ROS1: variants seen among roughly 807,000 people sequenced by gnomAD.
ROS1 encodes the protein ROS proto-oncogene 1, receptor tyrosine kinase.
A neutral mutation model predicts 273.5 loss-of-function variants in ROS1; 263 were observed. The ratio of observed to expected loss-of-function variants is 0.96; its 90% CI spans 0.87 to 1.06. ROS1 has a LOEUF of 1.06. Among genes scored for constraint, ROS1 ranks in the 50% least tolerant of loss-of-function variants. The pLI is 0.00. For missense variants in ROS1, 2,833 were observed against 2,751.1 expected, an observed-to-expected ratio of 1.03 and a Z score of -0.67; for synonymous variants, 1,008 against 954.1, an observed-to-expected ratio of 1.06 and a Z score of -1.04.
At chr6:117,382,057 A>G (rs1204917295) in intron 17 of ROS1, among the ~76,000 whole-genome samples, 1 of 152,186 alleles carries the variant, frequency 6.6e-6, no homozygotes. Context: ...CCTGAGGTGG[A>G]GAAGAAGTTA....
chr6:117,332,223 C>T (rs1473689183), intron 32 of ROS1, among the ~76,000 whole-genome samples: 1 of 148,898 alleles, frequency 6.7e-6, no homozygotes, highest in African/African-American at 2.5e-5. Flanking sequence ...GACTTTAAAC[C>T]AACAAAGATC....
intron 43 of ROS1, among the ~76,000 whole-genome samples, chr6:117,297,988 G>A (rs1774385102): frequency 6.6e-6 from 1 of 152,098 alleles, no homozygotes; most frequent in Non-Finnish European, 1.5e-5. Flanking sequence ...ATCTATGGAT[G>A]ACTGGATAAT....
At chr6:117,390,051 C>T (rs1562353320) in intron 12 of ROS1, among the ~76,000 whole-genome samples, 1 of 152,206 alleles carries the variant, frequency 6.6e-6, no homozygotes, top group Non-Finnish European at 1.5e-5. Context: ...TAGAAAATTT[C>T]AGCCTCACTT....
chr6:117,291,398 C>T (rs746501426), intron 43 of ROS1, among the ~76,000 whole-genome samples: 2 of 152,084 alleles, frequency 1.3e-5, no homozygotes, highest in Non-Finnish European at 2.9e-5. Context: ...TTTGGTATAA[C>T]CAGAAAAAAA....
At chr6:117,365,452 C>A in intron 20 of ROS1, 129 bp downstream of exon 20, 1 of 854,380 alleles carries the variant, frequency 1.2e-6, no homozygotes, top group Non-Finnish European at 1.9e-6. Context: ...TCTTAATGAC[C>A]AAATGCTATG....
At chr6:117,324,467 G>A in intron 34 of ROS1, 52 bp from the exon 35 acceptor site, 1 of 862,926 alleles carries the variant, frequency 1.2e-6, no homozygotes, top group South Asian at 1.5e-5. Flanking sequence ...AAGCTAAGTT[G>A]CCCCAGCTCT....
intron 33 of ROS1, among the ~76,000 whole-genome samples, chr6:117,329,071 C>A (rs1289955491): frequency 1.3e-5 from 2 of 152,160 alleles, no homozygotes; most frequent in African/African-American, 4.8e-5. Flanking sequence ...GTTGCATGAG[C>A]CTATGATCAA....
At chr6:117,390,176 G>A (rs922263273) in intron 12 of ROS1, among the ~76,000 whole-genome samples, 2 of 152,094 alleles carry the variant, frequency 1.3e-5, no homozygotes, top group Non-Finnish European at 2.9e-5. Flanking sequence ...ACCCAGGCTG[G>A]AGTTCAGTGA....
intron 2 of ROS1, 126 bp downstream of exon 2, chr6:117,418,336 G>A: frequency 1.5e-6 from 1 of 689,448 alleles, no homozygotes; most frequent in Non-Finnish European, 2.4e-6. Context: ...TTTTCAATTT[G>A]TCTTCTTCCA....
chr6:117,394,792 CAG>C, intron 9 of ROS1, 54 bp from the exon 10 acceptor site: 9 of 1,501,338 alleles, frequency 6.0e-6, no homozygotes, highest in Non-Finnish European at 8.0e-6. Flanking sequence ...GGTACACTAA[CAG>C]ACACAAAAAA....
chr6:117,413,629 G>A (rs1314871377), intron 4 of ROS1, among the ~76,000 whole-genome samples: 1 of 152,164 alleles, frequency 6.6e-6, no homozygotes, highest in Non-Finnish European at 1.5e-5. Context: ...TTACCATTGG[G>A]AGAAGGGGTG....
chr6:117,411,737 T>C (rs1310555009), intron 4 of ROS1, among the ~76,000 whole-genome samples: 2 of 152,194 alleles, frequency 1.3e-5, no homozygotes, highest in African/African-American at 4.8e-5. Context: ...CATTCATTCA[T>C]TCAAGAATAT....
At chr6:117,395,662 T>C (rs1773433191) in intron 9 of ROS1, among the ~76,000 whole-genome samples, 1 of 152,150 alleles carries the variant, frequency 6.6e-6, no homozygotes, top group African/African-American at 2.4e-5. Context: ...TCACTTGAGG[T>C]AATCAATAAA....
At chr6:117,315,169 T>C (rs543346622) in intron 39 of ROS1, among the ~76,000 whole-genome samples, 49 of 152,044 alleles carry the variant, frequency 3.2e-4, no homozygotes, top group Non-Finnish European at 6.0e-4. Context: ...AATTTTTAAT[T>C]CTACAAAAAG....
intron 3 of ROS1, among the ~76,000 whole-genome samples, chr6:117,415,335 T>C (rs1775258153): frequency 6.6e-6 from 1 of 152,178 alleles, no homozygotes; most frequent in South Asian, 2.1e-4. Flanking sequence ...ATGAATATAC[T>C]CTAAAAACTA....
chr6:117,328,301 G>C (rs994834985), intron 33 of ROS1: 1 of 244,368 alleles, frequency 4.1e-6, no homozygotes, highest in Non-Finnish European at 8.0e-6. Flanking sequence ...TATTTAGATG[G>C]AGTCATTTTA....
At chr6:117,364,760 A>T (rs1363162360) in intron 21 of ROS1, among the ~76,000 whole-genome samples, 2 of 152,202 alleles carry the variant, frequency 1.3e-5, no homozygotes, top group African/African-American at 4.8e-5. Flanking sequence ...TCTGCCCTTA[A>T]ATGCCCATTT....
chr6:117,407,609 C>T (rs888725752), intron 5 of ROS1, among the ~76,000 whole-genome samples: 1 of 152,022 alleles, frequency 6.6e-6, no homozygotes, highest in Non-Finnish European at 1.5e-5. Flanking sequence ...ATACAATATG[C>T]CTATACTTTC....
chr6:117,356,863 T>C lies in ROS1; in HGVS notation c.3892A>G (p.Ser1298Gly). ...CGGTGCAAGGTGTGACTGATAATAC[T>C]GTAGTAGAACATCTGGTAGCCAAAA... ...SNFGYQMFYY[S>G]IISHTLHRIL... Residue 1298 changes from serine (S) to glycine (G), a missense_variant, in exon 26 of 44, where the codon AGT becomes GGT. Physicochemically the swap from Ser to Gly is moderately conservative, Grantham distance 56 (BLOSUM62 0). Coordinates refer to ENST00000368507, the MANE Select transcript of ROS1 (RefSeq NM_001378902.1). 2.5e-6 allele frequency: 4 copies of C among 1,614,168 alleles called. No individual in the cohort carries two copies. Among genetic ancestry groups the C allele is most frequent in the Non-Finnish European group, 3.4e-6 (4 of 1,180,010 alleles).
Sources: allele counts gnomAD v4.1 joint callset (sites outside exome capture counted in the v4.1 genomes callset), GRCh38; gene constraint gnomAD v4.1.1; transcripts MANE v1.5; gene names NCBI Gene and HGNC (gene_info 2026-07-23, HGNC 2026-07-21).